The following DLG2 variants were observed in gnomAD, a reference collection of about 807,000 sequenced individuals.
The protein encoded by DLG2 is discs large MAGUK scaffold protein 2.
In DLG2, 45 loss-of-function variants were observed where a neutral mutation model predicts 132.5. The observed-to-expected ratio is 0.34, with a 90% CI of 0.27 to 0.44. The LOEUF (loss-of-function observed/expected upper bound fraction) is 0.44. DLG2 is among the 20% of genes least tolerant of loss of function. The pLI is 1.00. For missense variants in DLG2, 1,045 were observed against 1,196.9 expected (o/e 0.87, Z 1.87); for synonymous variants, 424 against 419.6 (o/e 1.01, Z -0.13).
chr11:85,417,005 A>G (rs962191913), intron 3 of DLG2, among the ~76,000 whole-genome samples: 1 of 152,166 alleles, frequency 6.6e-6, no homozygotes, highest in Non-Finnish European at 1.5e-5. Context: ...GAGAGAGGGC[A>G]TCCTTGTCGT....
At chr11:84,711,670 C>A (rs1285650772) in intron 6 of DLG2, among the ~76,000 whole-genome samples, 1 of 151,992 alleles carries the variant, frequency 6.6e-6, no homozygotes, top group Non-Finnish European at 1.5e-5. Context: ...AGCAGGCAGG[C>A]AGGAGGAGCT....
chr11:85,579,827 C>T (rs1297375261), intron 3 of DLG2, among the ~76,000 whole-genome samples: 1 of 152,166 alleles, frequency 6.6e-6, no homozygotes, highest in Non-Finnish European at 1.5e-5. Flanking sequence ...GCTGGGATTA[C>T]AGGCGTGAGC....
chr11:85,596,644 A>G (rs540158821), intron 3 of DLG2, among the ~76,000 whole-genome samples: 9 of 152,260 alleles, frequency 5.9e-5, no homozygotes, highest in African/African-American at 2.2e-4. Context: ...TGTAACAGGA[A>G]AAAAAAGGGT....
chr11:84,114,684 G>A (rs920723342), intron 9 of DLG2, among the ~76,000 whole-genome samples: 3 of 152,064 alleles, frequency 2.0e-5, no homozygotes, highest in African/African-American at 7.2e-5. Flanking sequence ...CGCCTAGTAT[G>A]ACTTCACATT....
At chr11:85,111,342 G>A (rs1426195400) in intron 6 of DLG2, among the ~76,000 whole-genome samples, 2 of 152,062 alleles carry the variant, frequency 1.3e-5, no homozygotes, top group African/African-American at 2.4e-5. Flanking sequence ...CTAAAATCAA[G>A]TATTGCTGAA....
intron 6 of DLG2, among the ~76,000 whole-genome samples, chr11:84,804,694 G>A (rs2075796817): frequency 6.6e-6 from 1 of 152,126 alleles, no homozygotes; most frequent in African/African-American, 2.4e-5. Flanking sequence ...CCAGGAAAAG[G>A]CAGAAAGAAC....
chr11:85,292,380 T>C (rs1411307131), intron 3 of DLG2, among the ~76,000 whole-genome samples: 1 of 151,616 alleles, frequency 6.6e-6, no homozygotes, highest in African/African-American at 2.4e-5. Flanking sequence ...TGAATGTAGA[T>C]GAAATGAAAA....
At chr11:85,585,084 TG>T (rs1461986224) in intron 3 of DLG2, among the ~76,000 whole-genome samples, 1 of 152,230 alleles carries the variant, frequency 6.6e-6, no homozygotes, top group Non-Finnish European at 1.5e-5. Flanking sequence ...CCTAAGCCAA[TG>T]TCTAGAAGTG....
At chr11:85,126,437 T>C (rs917174954) in intron 5 of DLG2, among the ~76,000 whole-genome samples, 1 of 152,188 alleles carries the variant, frequency 6.6e-6, no homozygotes, top group Non-Finnish European at 1.5e-5. Flanking sequence ...AGTTAAGCTA[T>C]TATATTAATG....
intron 18 of DLG2, among the ~76,000 whole-genome samples, chr11:83,655,894 T>C (rs1457157223): frequency 6.6e-6 from 1 of 152,226 alleles, no homozygotes; most frequent in East Asian, 1.9e-4. Flanking sequence ...CTGTAAGCTG[T>C]TGGCATCACA....
At chr11:84,697,291 T>C (rs2058715512) in intron 6 of DLG2, among the ~76,000 whole-genome samples, 1 of 151,430 alleles carries the variant, frequency 6.6e-6, no homozygotes, top group Non-Finnish European at 1.5e-5. Context: ...GAATCTAATA[T>C]GACAAGCCAA....
chr11:84,858,689 C>T (rs2083130281), intron 6 of DLG2, among the ~76,000 whole-genome samples: 1 of 151,958 alleles, frequency 6.6e-6, no homozygotes. Flanking sequence ...TTACTTGAGA[C>T]AAGTACTCAA....
chr11:84,959,213 C>T (rs1368964010), intron 6 of DLG2, among the ~76,000 whole-genome samples: 2 of 152,184 alleles, frequency 1.3e-5, no homozygotes, highest in Non-Finnish European at 2.9e-5. Context: ...GGAGGCTTCA[C>T]ACGGAATCTT....
chr11:84,678,826 T>C lies in DLG2; in HGVS notation c.358-144095A>G, dbSNP rs535999069. 1.3e-5 allele frequency among the ~76,000 whole-genome samples: 2 copies of C among 152,114 alleles called. 1 individual carries two copies. The highest frequency in any genetic ancestry group is 4.1e-4 in the South Asian group (2 of 4,834). On this transcript the variant is annotated intron_variant, in intron 6 of 27. Transcript: ENST00000376104. Reference sequence around the variant, plus strand: ...AGTCTAGTTCCTTTTCCTGTCCTCATAGCCATGTGACTTAGGTAATTTATT... The same window carrying C: ...AGTCTAGTTCCTTTTCCTGTCCTCACAGCCATGTGACTTAGGTAATTTATT...
In DLG2 at chr11:84,079,629, C is replaced by T. The variant is rs1402688867; in HGVS notation, c.749+19294G>A. ...CTATAACTGCAGGCACTCTTATCAG[C>T]TAAGCCAGACTTCCATGGCAGAGTG... On this transcript the variant is annotated intron_variant, in intron 10 of 27. Coordinates refer to ENST00000376104, the MANE Select transcript of DLG2 (RefSeq NM_001142699.3). Among the ~76,000 whole-genome samples the T allele has an allele frequency of 2.6e-5, 4 of 152,160 alleles. No individual in the cohort carries two copies. In the South Asian group the frequency reaches 8.3e-4, roughly 32 times the overall value.
At chr11:84,173,079 C>T (rs540532240) in intron 8 of DLG2, among the ~76,000 whole-genome samples, 2 of 152,168 alleles carry the variant, frequency 1.3e-5, no homozygotes, top group South Asian at 2.1e-4. Flanking sequence ...TTCTTATATG[C>T]ATAAAATAAT....
At chr11:85,487,130 A>AAG (rs2093447596) in intron 3 of DLG2, among the ~76,000 whole-genome samples, 1 of 151,990 alleles carries the variant, frequency 6.6e-6, no homozygotes, top group Middle Eastern at 3.2e-3. Context: ...ATGTATATAC[A>AAG]AGATATATAT....
chr11:84,781,788 G>A (rs1351289153), intron 6 of DLG2, among the ~76,000 whole-genome samples: 1 of 152,128 alleles, frequency 6.6e-6, no homozygotes, highest in Non-Finnish European at 1.5e-5. Flanking sequence ...AGTATGGAAG[G>A]AAACAAGATA....
intron 18 of DLG2, among the ~76,000 whole-genome samples, chr11:83,740,400 C>T (rs970453661): frequency 6.6e-6 from 1 of 152,112 alleles, no homozygotes; most frequent in Non-Finnish European, 1.5e-5. Context: ...AGAAACCAGA[C>T]ACAAAAGATT....
Sources: gnomAD v4.1 joint callset for allele counts (sites outside exome capture counted in the v4.1 genomes callset) on GRCh38, gnomAD v4.1.1 for gene constraint, MANE v1.5 for transcripts, NCBI Gene and HGNC (gene_info 2026-07-23, HGNC 2026-07-21) for gene names.